Variants in ZNF284 observed in about 807,000 individuals in gnomAD.
ZNF284 encodes the protein zinc finger protein 284.
A neutral mutation model predicts 12.9 loss-of-function variants in ZNF284; 12 were observed. The ratio of observed to expected loss-of-function variants is 0.93; its 90% CI spans 0.60 to 1.51. The LOEUF (loss-of-function observed/expected upper bound fraction) is 1.51, where lower values mean the gene tolerates loss of function less well. Among genes scored for constraint, ZNF284 ranks in the 40% most tolerant of loss-of-function variants. The pLI, the probability that ZNF284 is intolerant of heterozygous loss-of-function variation, is 0.00. For missense variants in ZNF284, 667 were observed against 707.3 expected (o/e 0.94, Z 0.65); for synonymous variants, 225 against 236.5 (o/e 0.95, Z 0.45).
chr19:44,084,760 T>G (rs183409559), intron 4 of ZNF284, among the ~76,000 whole-genome samples: 140 of 152,272 alleles, frequency 9.2e-4, no homozygotes, highest in Non-Finnish European at 1.4e-3. Flanking sequence ...CCATGGGGCT[T>G]CAGGGATTTG....
intron 2 of ZNF284, among the ~76,000 whole-genome samples, chr19:44,079,931 A>G (rs1967094873): frequency 6.6e-6 from 1 of 152,176 alleles, no homozygotes; most frequent in South Asian, 2.1e-4. Context: ...TCCGTCTCAA[A>G]AAAAAGACAA....
rs1226261800 is a variant in ZNF284 at position 44,087,087 on chromosome 19, A to C, written c.1609A>C (p.Lys537Gln). Reference sequence around the variant, plus strand: ...CCATCAAAGACTCCACAGCAGAGAAAAACTATTCCAATGTGAGGATTGTGG... The same window carrying C: ...CCATCAAAGACTCCACAGCAGAGAACAACTATTCCAATGTGAGGATTGTGG... ...LTHQRLHSRE[K>Q]LFQCEDCGKS... The change falls in exon 5 of 5, where the codon AAA (lysine) becomes CAA (glutamine). Residue 537 changes from lysine (K) to glutamine (Q), a missense_variant. By Grantham distance (53) the Lys-to-Gln change is moderately conservative. Coordinates refer to ENST00000421176, the MANE Select transcript of ZNF284 (RefSeq NM_001037813.4). The C allele has an allele frequency of 6.2e-7, 1 of 1,614,184 alleles. No individual in the cohort carries two copies. Among genetic ancestry groups the C allele is most frequent in the Non-Finnish European group, 8.5e-7 (1 of 1,180,030 alleles).
chr19:44,078,022 A>G (rs1209424299), intron 2 of ZNF284, among the ~76,000 whole-genome samples: 1 of 152,252 alleles, frequency 6.6e-6, no homozygotes, highest in Non-Finnish European at 1.5e-5. Context: ...AAGATGGCTT[A>G]TAGAGTGTTA....
In ZNF284 at chr19:44,086,251, C is replaced by T; in HGVS notation, c.773C>T (p.Pro258Leu). 2 of 1,614,164 alleles carry T rather than the reference C, an allele frequency of 1.2e-6. No homozygotes were observed. The highest frequency in any genetic ancestry group is 1.1e-5 in the South Asian group (1 of 91,072). The change falls in exon 5 of 5, where the codon CCT (proline) becomes CTT (leucine). Residue 258 changes from proline to leucine, a missense_variant. Pro to Leu is a moderately conservative substitution (Grantham distance 98). Coordinates refer to ENST00000421176, the MANE Select transcript of ZNF284 (RefSeq NM_001037813.4). ...VHCKLHTGEK[P>L]HICEECGKAF... ...TGCAAATTACACACAGGAGAAAAAC[C>T]TCATATTTGTGAGGAATGTGGGAAG...
intron 3 of ZNF284, among the ~76,000 whole-genome samples, 175 bp downstream of exon 3, chr19:44,081,316 G>A (rs972812646): frequency 2.0e-5 from 3 of 152,134 alleles, no homozygotes; most frequent in African/African-American, 7.2e-5. Context: ...TAAAGCCTCA[G>A]GAAACTTACA....
rs377613949 is a variant in ZNF284, at chr19:44,085,881, G to A, written c.403G>A (p.Ala135Thr). The A allele has an allele frequency of 3.4e-5, 55 of 1,614,170 alleles. 1 individual carries two copies. In the South Asian group the frequency reaches 3.8e-4, roughly 11 times the overall value. Reference protein sequence around the residue: ...TQGDVPSQVDAGLSIIHIGET... With the variant: ...TQGDVPSQVDTGLSIIHIGET... ...AGGTGATGTCCCCTCCCAGGTTGAC[G>A]CAGGACTATCTATAATTCACATAGG... The change falls in exon 5 of 5, where the codon GCA (alanine) becomes ACA (threonine). Residue 135 changes from alanine to threonine, a missense_variant. Transcript: ENST00000421176.
Position 44,087,459 on chromosome 19 carries a change from T to G in ZNF284, c.*199T>G, listed in dbSNP as rs1406526031. ...AAGTTATTATTAATTATAGTCACCTTTAGTGCTGTGGAACACTAGAACTTG... is the reference window on the plus strand; with the variant it reads ...AAGTTATTATTAATTATAGTCACCTGTAGTGCTGTGGAACACTAGAACTTG... On this transcript the variant is annotated 3_prime_UTR_variant, in exon 5 of 5. Transcript: ENST00000421176. 4.0e-5 allele frequency: 17 copies of G among 429,732 alleles called. No homozygotes were observed. The highest frequency in any genetic ancestry group is 1.2e-5 in the Non-Finnish European group (3 of 248,122). 26.6% of individuals were successfully genotyped at this position (429,732 alleles called of 1,614,324 possible). A position where few individuals can be genotyped will look rare whatever the true frequency, so the allele number is the denominator to read the frequency against.
intron 4 of ZNF284, among the ~76,000 whole-genome samples, chr19:44,082,649 G>A (rs185414033): frequency 4.8e-4 from 73 of 152,322 alleles, no homozygotes; most frequent in Middle Eastern, 3.4e-3. Flanking sequence ...CTGTCTAGAT[G>A]TTCTTGGGGA....
At chr19:44,074,477 A>C (rs1350716764) in intron 1 of ZNF284, among the ~76,000 whole-genome samples, 1 of 152,180 alleles carries the variant, frequency 6.6e-6, no homozygotes, top group Non-Finnish European at 1.5e-5. Flanking sequence ...AATTTGCCAA[A>C]TGTTTACATT....
chr19:44,074,074 C>T (rs151113528), intron 1 of ZNF284, among the ~76,000 whole-genome samples: 36 of 151,806 alleles, frequency 2.4e-4, no homozygotes, highest in African/African-American at 8.0e-4. Context: ...CTGATATTGG[C>T]CGGGCATGGT....
chr19:44,080,869 C>G, intron 2 of ZNF284, 146 bp from the exon 3 acceptor site: 1 of 1,099,540 alleles, frequency 9.1e-7, no homozygotes, highest in Non-Finnish European at 1.3e-6. Context: ...AGGATACAGA[C>G]AGAATGAATG....
chr19:44,087,267 T>G lies in ZNF284; in HGVS notation c.*7T>G. Reference sequence around the variant, plus strand: ...ATTTTTAAATGATATATAATTATTGTCCATATTTATGGGTTACAGCATATT... The same window carrying G: ...ATTTTTAAATGATATATAATTATTGGCCATATTTATGGGTTACAGCATATT... On this transcript the variant is annotated 3_prime_UTR_variant, in exon 5 of 5. Transcript: ENST00000421176. The G allele has an allele frequency of 5.3e-6, 8 of 1,504,970 alleles. No homozygotes were observed. The highest frequency in any genetic ancestry group is 7.1e-6 in the Non-Finnish European group (8 of 1,120,126). 93.2% of individuals were successfully genotyped at this position (1,504,970 alleles called of 1,614,324 possible). A position where few individuals can be genotyped will look rare whatever the true frequency, so the allele number is the denominator to read the frequency against.
At chr19:44,083,474 T>TATAGAGAGAGAG (rs746837013) in intron 4 of ZNF284, among the ~76,000 whole-genome samples, 10 of 64,920 alleles carry the variant, frequency 1.5e-4, no homozygotes, top group South Asian at 6.8e-4. Flanking sequence ...TATATATATA[T>TATAGAGAGAGAG]AGAGAGAGAG....
At chr19:44,079,654 G>C (rs939259138) in intron 2 of ZNF284, among the ~76,000 whole-genome samples, 1 of 151,770 alleles carries the variant, frequency 6.6e-6, no homozygotes, top group Non-Finnish European at 1.5e-5. Context: ...GCTTGCGTTA[G>C]CTGAGATTGC....
At position 44,082,252 on chromosome 19, in the gene ZNF284, C is replaced by T. The variant is rs150701932; in HGVS notation, c.235+147C>T. 7 of 602,592 alleles carry T rather than the reference C, an allele frequency of 1.2e-5. No homozygotes were observed. In the African/African-American group the frequency reaches 1.3e-4, roughly 11 times the overall value. 37.3% of individuals were successfully genotyped at this position (602,592 alleles called of 1,614,324 possible). A position where few individuals can be genotyped will look rare whatever the true frequency, so the allele number is the denominator to read the frequency against. On this transcript the variant is annotated intron_variant, in intron 4 of 4. Coordinates refer to ENST00000421176, the MANE Select transcript of ZNF284 (RefSeq NM_001037813.4). Reference sequence around the variant, plus strand: ...CTTCCTGCTGGTTGTCCTGCTCCCCCACCCCCTCTTCCCACCCTGACATCT... The same window carrying T: ...CTTCCTGCTGGTTGTCCTGCTCCCCTACCCCCTCTTCCCACCCTGACATCT...
Position 44,086,353 on chromosome 19 carries a change from G to C in ZNF284, c.875G>C (p.Cys292Ser). ...GAGAAGCCATTCAAATGTTATATATGTGGTAAGAGCTTCCATAGTAGATCA... is the reference window on the plus strand; with the variant it reads ...GAGAAGCCATTCAAATGTTATATATCTGGTAAGAGCTTCCATAGTAGATCA... ...TGEKPFKCYI[C>S]GKSFHSRSNL... The change falls in exon 5 of 5, where the codon TGT becomes TCT. Residue 292 changes from cysteine to serine, a missense_variant. Cys to Ser is a moderately radical substitution (Grantham distance 112, BLOSUM62 -1). Coordinates refer to ENST00000421176, the MANE Select transcript of ZNF284 (RefSeq NM_001037813.4). 6.2e-7 allele frequency: 1 copy of C among 1,614,164 alleles called. No homozygotes were observed.
At chr19:44,083,516 A>C (rs1967171425) in intron 4 of ZNF284, among the ~76,000 whole-genome samples, 1 of 109,274 alleles carries the variant, frequency 9.2e-6, no homozygotes, top group African/African-American at 3.0e-5. Flanking sequence ...ATGGAATACC[A>C]TCCTATCTTT....
At position 44,087,558 on chromosome 19, in the gene ZNF284, C is replaced by A. The variant is rs536385211; in HGVS notation, c.*298C>A. 9.3e-4 allele frequency: 168 copies of A among 180,920 alleles called. No individual in the cohort carries two copies. Among genetic ancestry groups the A allele is most frequent in the African/African-American group, 3.8e-3 (157 of 41,240 alleles). The allele number at this position is 180,920 out of a possible 1,614,324, so 11.2% of individuals were successfully genotyped here. On this transcript the variant is annotated 3_prime_UTR_variant, in exon 5 of 5. Transcript: ENST00000421176. ...ATCATCCACCCTCTCTCCTACTTTT[C>A]CCTTCTAGTAATTGCTATGCCATGC...
In ZNF284 at chr19:44,086,021, G is replaced by A. The variant is rs769926564; in HGVS notation, c.543G>A (p.Arg181=). The A allele has an allele frequency of 6.2e-7, 1 of 1,614,102 alleles. No homozygotes were observed. The highest frequency in any genetic ancestry group is 8.5e-7 in the Non-Finnish European group (1 of 1,180,006). Residue 181 remains arginine, a synonymous_variant, in exon 5 of 5, where the codon AGG becomes AGA. Transcript: ENST00000421176. ...TATCCCATACATGTAATGAGTACAG[G>A]AAGAGATTCTGTTATAGCTCAGCTC... ...GKISHTCNEY[R]KRFCYSSALC...
Sources: gnomAD v4.1 joint callset for allele counts (sites outside exome capture counted in the v4.1 genomes callset) on GRCh38, gnomAD v4.1.1 for gene constraint, MANE v1.5 for transcripts, NCBI Gene and HGNC (gene_info 2026-07-23, HGNC 2026-07-21) for gene names.